The following ROBO2 variants were observed in gnomAD, a reference collection of about 807,000 sequenced individuals.
The protein encoded by ROBO2 is roundabout homolog 2.
In ROBO2, 53 loss-of-function variants were observed where a neutral mutation model predicts 160.8. That is an observed-to-expected ratio of 0.33 (90% CI 0.26 to 0.41). ROBO2 has a LOEUF of 0.41. ROBO2 is among the 10% of genes least tolerant of loss of function. ROBO2 has a pLI of 1.00. For missense variants in ROBO2, 1,577 were observed against 1,722.4 expected (o/e 0.92, Z 1.49); for synonymous variants, 664 against 611.7 (o/e 1.09, Z -1.26).
At chr3:77,600,020 C>A (rs1184207281) in intron 19 of ROBO2, among the ~76,000 whole-genome samples, 2 of 152,066 alleles carry the variant, frequency 1.3e-5, no homozygotes, top group African/African-American at 2.4e-5. Context: ...TTACCAATTC[C>A]AAGTAGAGGA....
chr3:75,948,243 T>C (rs1948393948), intron 2 of ROBO2, among the ~76,000 whole-genome samples: 2 of 152,070 alleles, frequency 1.3e-5, no homozygotes, highest in Admixed American at 1.3e-4. Flanking sequence ...TCTACATTTT[T>C]GGTTTTTGTT....
intron 2 of ROBO2, among the ~76,000 whole-genome samples, chr3:77,167,895 CG>C (rs1293741878): frequency 8.6e-5 from 13 of 151,786 alleles, no homozygotes; most frequent in Non-Finnish European, 1.8e-4. Context: ...GTTTCTCTGC[CG>C]CATTAACTTT....
chr3:76,060,623 T>G (rs564454289), intron 2 of ROBO2, among the ~76,000 whole-genome samples: 20 of 152,306 alleles, frequency 1.3e-4, no homozygotes, highest in Middle Eastern at 3.4e-3. Flanking sequence ...ATGGGAAGTA[T>G]AAATATAATC....
chr3:77,622,380 A>C, exon 23 of ROBO2: 1 of 1,614,100 alleles, frequency 6.2e-7, no homozygotes, highest in Non-Finnish European at 8.5e-7. Flanking sequence ...CCCTGAGAGC[A>C]CTGGACCAGA....
chr3:77,451,768 C>CT (rs57642396), intron 2 of ROBO2, among the ~76,000 whole-genome samples: 96,756 of 149,752 alleles, frequency 0.65, 31,670 homozygotes, highest in African/African-American at 0.73. Flanking sequence ...AAAGCAAATC[C>CT]TTTTTTTTTA....
chr3:76,835,466 G>A (rs1211208269), intron 2 of ROBO2, among the ~76,000 whole-genome samples: 1 of 147,782 alleles, frequency 6.8e-6, no homozygotes, highest in Non-Finnish European at 1.5e-5. Flanking sequence ...TTGCACATAT[G>A]TGCAAACACA....
At chr3:76,800,519 T>C (rs778190865) in intron 2 of ROBO2, among the ~76,000 whole-genome samples, 5 of 152,074 alleles carry the variant, frequency 3.3e-5, no homozygotes, top group African/African-American at 9.7e-5. Flanking sequence ...CAAAAAGCTC[T>C]AGAGGAAAAA....
chr3:77,644,885 A>T, exon 25 of ROBO2: 1 of 1,614,154 alleles, frequency 6.2e-7, no homozygotes, highest in Admixed American at 1.7e-5. Flanking sequence ...ACAGTCAAGG[A>T]CAGTTTACAG....
chr3:77,443,569 A>C (rs1581987913), intron 2 of ROBO2, among the ~76,000 whole-genome samples: 2 of 152,316 alleles, frequency 1.3e-5, no homozygotes, highest in South Asian at 4.1e-4. Flanking sequence ...CTTGTTTTAG[A>C]GGTAGACAAT....
rs2084845336 is a variant in ROBO2 at position 77,482,657 on chromosome 3, A to G, written c.667+1438A>G. 2.0e-5 allele frequency among the ~76,000 whole-genome samples: 3 copies of G among 152,208 alleles called. No homozygotes were observed. In the South Asian group the frequency reaches 6.2e-4, roughly 32 times the overall value. On this transcript the variant is annotated intron_variant, in intron 4 of 25. Coordinates refer to ENST00000461745, the Ensembl canonical transcript of ROBO2. ...ATCCTGCAGAGCTCAGACAAGTGTCAGTTTGCCCCTACATTTCATGCAGTC... is the reference window on the plus strand; with the variant it reads ...ATCCTGCAGAGCTCAGACAAGTGTCGGTTTGCCCCTACATTTCATGCAGTC...
intron 2 of ROBO2, among the ~76,000 whole-genome samples, chr3:77,260,760 C>A (rs1560368545): frequency 6.6e-6 from 1 of 152,150 alleles, no homozygotes; most frequent in Non-Finnish European, 1.5e-5. Context: ...GAGAGTCAAT[C>A]CTGATCATCG....
At chr3:76,647,420 C>T (rs937062924) in intron 2 of ROBO2, among the ~76,000 whole-genome samples, 8 of 152,042 alleles carry the variant, frequency 5.3e-5, no homozygotes, top group Admixed American at 5.2e-4. Flanking sequence ...CGGGGCGAGC[C>T]GAGCTGCAGT....
At chr3:77,142,886 T>C (rs967576298) in intron 2 of ROBO2, among the ~76,000 whole-genome samples, 4 of 152,134 alleles carry the variant, frequency 2.6e-5, no homozygotes, top group Non-Finnish European at 5.9e-5. Flanking sequence ...AGTAGCCCTG[T>C]TTTTACAAGT....
At chr3:76,739,318 A>C (rs1024209591) in intron 2 of ROBO2, among the ~76,000 whole-genome samples, 18 of 152,184 alleles carry the variant, frequency 1.2e-4, no homozygotes, top group Non-Finnish European at 2.2e-4. Flanking sequence ...TGATGAGTTC[A>C]TGTCCTTTGT....
chr3:76,864,768 ATATG>A (rs1456996235), intron 2 of ROBO2, among the ~76,000 whole-genome samples: 1 of 152,146 alleles, frequency 6.6e-6, no homozygotes, highest in African/African-American at 2.4e-5. Flanking sequence ...AGGTATGTAT[ATATG>A]GGCATATAAA....
intron 2 of ROBO2, among the ~76,000 whole-genome samples, chr3:76,736,206 C>G (rs927938172): frequency 6.6e-6 from 1 of 151,310 alleles, no homozygotes; most frequent in Non-Finnish European, 1.5e-5. Flanking sequence ...GGGGGGAACC[C>G]GGGAGGCGGA....
At chr3:77,578,747 CAG>C (rs1163091197) in intron 15 of ROBO2, among the ~76,000 whole-genome samples, 1 of 152,000 alleles carries the variant, frequency 6.6e-6, no homozygotes, top group East Asian at 1.9e-4. Flanking sequence ...ATTGTTTTAA[CAG>C]AGTAACAAAT....
intron 2 of ROBO2, among the ~76,000 whole-genome samples, chr3:77,126,943 C>A (rs1033536640): frequency 5.9e-5 from 9 of 151,564 alleles, no homozygotes; most frequent in African/African-American, 1.9e-4. Flanking sequence ...TGCCCGCCAC[C>A]ACGCCCGGCT....
At chr3:76,685,974 A>G (rs2092676907) in intron 2 of ROBO2, among the ~76,000 whole-genome samples, 1 of 152,150 alleles carries the variant, frequency 6.6e-6, no homozygotes. Flanking sequence ...CCTTGAGAGC[A>G]TAAGCAAAAG....
Sources: allele counts gnomAD v4.1 joint callset (sites outside exome capture counted in the v4.1 genomes callset), GRCh38; gene constraint gnomAD v4.1.1; transcripts MANE v1.5; gene names NCBI Gene and HGNC (gene_info 2026-07-23, HGNC 2026-07-21).